Variants in CALCR observed in about 807,000 individuals in gnomAD.
CALCR encodes the protein calcitonin receptor.
CALCR carries 47 observed loss-of-function variants against 59.5 expected under a neutral mutation model. The ratio of observed to expected loss-of-function variants is 0.79; its 90% CI spans 0.63 to 1.01. The LOEUF is 1.01. CALCR is among the 50% of genes least tolerant of loss of function. CALCR has a pLI of 0.00. For synonymous variants in CALCR, 213 were observed against 211.3 expected, an observed-to-expected ratio of 1.01 and a Z score of -0.07; for missense variants, 566 against 597.1, an observed-to-expected ratio of 0.95 and a Z score of 0.54.
chr7:93,434,387 A>T, intron 12 of CALCR, 93 bp from the exon 13 acceptor site: 5 of 668,896 alleles, frequency 7.5e-6, no homozygotes, highest in East Asian at 3.1e-5. Context: ...AGAAGGCCTG[A>T]TGAAAAAAAA....
chr7:93,494,794 G>T (rs762834014), intron 2 of CALCR, among the ~76,000 whole-genome samples: 7 of 151,406 alleles, frequency 4.6e-5, no homozygotes, highest in Non-Finnish European at 8.9e-5. Flanking sequence ...AGAAAAGCAG[G>T]CAAGGAAGAG....
intron 2 of CALCR, chr7:93,495,835 T>C: frequency 7.7e-7 from 1 of 1,291,100 alleles, no homozygotes; most frequent in Non-Finnish European, 1.1e-6. Context: ...AAGAAACCAT[T>C]GTAAGAGGTT....
chr7:93,514,439 T>G (rs1801610277), intron 2 of CALCR, among the ~76,000 whole-genome samples: 1 of 152,044 alleles, frequency 6.6e-6, no homozygotes, highest in Middle Eastern at 3.4e-3. Flanking sequence ...GCTTCAATAC[T>G]TCAAGATAAA....
intron 2 of CALCR, among the ~76,000 whole-genome samples, chr7:93,522,411 C>G (rs1801783907): frequency 6.6e-6 from 1 of 152,140 alleles, no homozygotes; most frequent in South Asian, 2.1e-4. Flanking sequence ...TTTTGGCCCT[C>G]TAGGTCCTTC....
intron 8 of CALCR, among the ~76,000 whole-genome samples, chr7:93,453,701 T>C (rs1800152903): frequency 6.6e-6 from 1 of 152,020 alleles, no homozygotes; most frequent in Admixed American, 6.6e-5. Flanking sequence ...AAGTCACTGA[T>C]TTCATGTGTA....
chr7:93,455,778 T>C (rs1800197316), intron 8 of CALCR, among the ~76,000 whole-genome samples: 1 of 151,852 alleles, frequency 6.6e-6, no homozygotes, highest in South Asian at 2.1e-4. Context: ...TCAACTGTAA[T>C]CTACTTTAAT....
chr7:93,540,734 ATATAATAT>A (rs1474524490), intron 2 of CALCR, among the ~76,000 whole-genome samples: 2 of 58,904 alleles, frequency 3.4e-5, no homozygotes, highest in Non-Finnish European at 1.1e-4. Flanking sequence ...TATTTATATT[ATATAATAT>A]TATATTTATA....
intron 6 of CALCR, among the ~76,000 whole-genome samples, chr7:93,471,359 C>A (rs1047041731): frequency 4.0e-5 from 6 of 151,760 alleles, no homozygotes; most frequent in African/African-American, 1.5e-4. Context: ...GTGACTAAAC[C>A]ATTTGTAAAG....
chr7:93,558,996 A>G (rs1397481948), intron 2 of CALCR, among the ~76,000 whole-genome samples: 1 of 152,142 alleles, frequency 6.6e-6, no homozygotes, highest in Admixed American at 6.6e-5. Flanking sequence ...GAAAATCACC[A>G]CTTGAGTGCA....
intron 8 of CALCR, among the ~76,000 whole-genome samples, chr7:93,460,595 A>ATATATATATGTG (rs1554397840): frequency 5.8e-4 from 45 of 77,824 alleles, no homozygotes; most frequent in African/African-American, 2.0e-3. Context: ...ATATATATGT[A>ATATATATATGTG]TATATATATA....
At chr7:93,544,265 T>A (rs1026209082) in intron 2 of CALCR, among the ~76,000 whole-genome samples, 1 of 152,062 alleles carries the variant, frequency 6.6e-6, no homozygotes, top group Non-Finnish European at 1.5e-5. Flanking sequence ...GGTTAAAAAA[T>A]TAAAATCAAG....
chr7:93,426,965 G>A (rs1315789123), intron 13 of CALCR, among the ~76,000 whole-genome samples: 1 of 152,158 alleles, frequency 6.6e-6, no homozygotes, highest in Non-Finnish European at 1.5e-5. Context: ...TAAGGCAGAA[G>A]TTTTTAATTT....
Position 93,496,091 on chromosome 7 carries a change from G to A in CALCR, c.-26-9084C>T, listed in dbSNP as rs143156770. ...AAGTTAAATTATCTTTATTTTTTGT[G>A]GAAAGAGTACAAAATGTCAATGTCT... On this transcript the variant is annotated intron_variant, in intron 2 of 13. Coordinates refer to ENST00000426151, the MANE Select transcript of CALCR (RefSeq NM_001742.4). 2.4e-3 allele frequency: 1,417 copies of A among 583,208 alleles called. 5 individuals are homozygous for A. Among genetic ancestry groups the A allele is most frequent in the Middle Eastern group, 8.8e-3 (22 of 2,488 alleles). 36.1% of individuals were successfully genotyped at this position (583,208 alleles called of 1,614,324 possible).
intron 3 of CALCR, among the ~76,000 whole-genome samples, chr7:93,486,092 G>A (rs558786780): frequency 7.8e-4 from 118 of 151,676 alleles, no homozygotes; most frequent in African/African-American, 2.7e-3. Flanking sequence ...GTGTGGGTCA[G>A]TATGACAGTA....
At chr7:93,530,656 G>A (rs981975471) in intron 2 of CALCR, among the ~76,000 whole-genome samples, 18 of 152,098 alleles carry the variant, frequency 1.2e-4, no homozygotes, top group Non-Finnish European at 2.1e-4. Flanking sequence ...GAGGAGAGCA[G>A]CATTATCCAT....
rs751075463 is a variant in CALCR at position 93,479,459 on chromosome 7, T to C, written c.100A>G (p.Ile34Val). 6.2e-7 allele frequency: 1 copy of C among 1,612,574 alleles called. No homozygotes were observed. ...PAFSNQTYPTIEPKPFLYVVG... is the reference protein window; with the variant it reads ...PAFSNQTYPTVEPKPFLYVVG... ...ACGTAAAGAAATGGCTTGGGCTCTA[T>C]TGTTGGATAGGTTTGATTTGAAAAG... Residue 34 changes from isoleucine (I) to valine (V), a missense_variant, in exon 4 of 14, where the codon ATA becomes GTA. By Grantham distance (29) the Ile-to-Val change is conservative (BLOSUM62 3). Coordinates refer to ENST00000426151, the MANE Select transcript of CALCR (RefSeq NM_001742.4).
At chr7:93,528,332 G>A (rs1788732263) in intron 2 of CALCR, among the ~76,000 whole-genome samples, 1 of 152,128 alleles carries the variant, frequency 6.6e-6, no homozygotes, top group African/African-American at 2.4e-5. Flanking sequence ...CAACGTGCAG[G>A]TTTGTTACAT....
intron 8 of CALCR, among the ~76,000 whole-genome samples, chr7:93,447,367 A>G (rs17165469): frequency 0.11 from 17,054 of 152,070 alleles, 1,407 homozygotes; most frequent in East Asian, 0.46. Flanking sequence ...TCTACATAAC[A>G]TAGGAAATCT....
intron 8 of CALCR, among the ~76,000 whole-genome samples, chr7:93,451,611 A>C (rs1378045107): frequency 6.6e-6 from 1 of 151,994 alleles, no homozygotes; most frequent in African/African-American, 2.4e-5. Context: ...AAAGGGTCCC[A>C]CTTCATGGGG....
Sources: gnomAD v4.1 joint callset for allele counts (sites outside exome capture counted in the v4.1 genomes callset) on GRCh38, gnomAD v4.1.1 for gene constraint, MANE v1.5 for transcripts, NCBI Gene and HGNC (gene_info 2026-07-23, HGNC 2026-07-21) for gene names.